The following CSMD1 variants were observed in gnomAD, a reference collection of about 807,000 sequenced individuals.
The protein encoded by CSMD1 is CUB and sushi domain-containing protein 1.
In CSMD1, 213 loss-of-function variants were observed where a neutral mutation model predicts 417.5. The ratio of observed to expected loss-of-function variants is 0.51; its 90% confidence interval spans 0.46 to 0.57. CSMD1 has a LOEUF of 0.57. Among genes scored for constraint, CSMD1 ranks in the 20% least tolerant of loss-of-function variants. The probability of loss-of-function intolerance (pLI) is 0.00; values close to 1 mark genes in which losing one functional copy is unlikely to be tolerated. For synonymous variants in CSMD1, 2,862 were observed against 1,736.8 expected (o/e 1.65, Z -16.11); for missense variants, 6,923 against 4,529.7 (o/e 1.53, Z -15.17).
At chr8:4,083,054 G>C (rs1196260702) in intron 3 of CSMD1, among the ~76,000 whole-genome samples, 3 of 151,828 alleles carry the variant, frequency 2.0e-5, no homozygotes, top group African/African-American at 4.8e-5. Context: ...TTGCTATTGT[G>C]AATAGTGCCA....
chr8:4,103,576 A>G (rs1186322582), intron 3 of CSMD1, among the ~76,000 whole-genome samples: 1 of 152,088 alleles, frequency 6.6e-6, no homozygotes, highest in African/African-American at 2.4e-5. Flanking sequence ...CGATGGATAC[A>G]AAAAATGTTG....
intron 3 of CSMD1, among the ~76,000 whole-genome samples, chr8:4,046,182 A>C (rs965280527): frequency 6.6e-6 from 1 of 152,070 alleles, no homozygotes; most frequent in African/African-American, 2.4e-5. Flanking sequence ...TTATATGTGT[A>C]TGTGTGCGTG....
intron 26 of CSMD1, among the ~76,000 whole-genome samples, chr8:3,231,198 AG>A (rs1481806160): frequency 1.3e-5 from 2 of 152,218 alleles, no homozygotes; most frequent in Non-Finnish European, 2.9e-5. Context: ...ACTGAAAATT[AG>A]AAAGATAGGT....
At chr8:4,048,167 T>G (rs1289681548) in intron 3 of CSMD1, among the ~76,000 whole-genome samples, 1 of 152,166 alleles carries the variant, frequency 6.6e-6, no homozygotes, top group South Asian at 2.1e-4. Flanking sequence ...CAGTCAGACT[T>G]TGTTTTGGTT....
intron 12 of CSMD1, among the ~76,000 whole-genome samples, chr8:3,447,367 GAATAA>G (rs1187820599): frequency 1.3e-5 from 2 of 151,652 alleles, no homozygotes; most frequent in Admixed American, 6.6e-5. Context: ...GGAAAGGAAT[GAATAA>G]AAGAAGAAAA....
chr8:3,642,369 G>T (rs543851215), intron 7 of CSMD1, among the ~76,000 whole-genome samples: 1 of 152,024 alleles, frequency 6.6e-6, no homozygotes, highest in Non-Finnish European at 1.5e-5. Flanking sequence ...TCACCGCAAA[G>T]AATTTATAAC....
At chr8:3,807,175 G>A (rs1030839573) in intron 5 of CSMD1, among the ~76,000 whole-genome samples, 3 of 152,110 alleles carry the variant, frequency 2.0e-5, no homozygotes, top group South Asian at 4.1e-4. Context: ...ATTTTCTCTT[G>A]TGACCTTCTA....
chr8:4,312,452 T>C (rs1472400567), intron 3 of CSMD1, among the ~76,000 whole-genome samples: 7 of 119,134 alleles, frequency 5.9e-5, no homozygotes, highest in African/African-American at 2.7e-4. Flanking sequence ...TATATATACG[T>C]ATATATATGC....
intron 7 of CSMD1, among the ~76,000 whole-genome samples, chr8:3,621,252 C>A (rs1420135308): frequency 2.6e-5 from 4 of 152,116 alleles, no homozygotes; most frequent in Non-Finnish European, 5.9e-5. Flanking sequence ...AAATGAATCA[C>A]CCCAAACCAA....
At chr8:3,309,393 G>C (rs1805150908) in intron 23 of CSMD1, among the ~76,000 whole-genome samples, 1 of 143,842 alleles carries the variant, frequency 7.0e-6, no homozygotes, top group African/African-American at 2.5e-5. Context: ...TGAGGCTCTT[G>C]AGGAAATCCA....
At chr8:3,023,195 A>T (rs1248371064) in intron 51 of CSMD1, among the ~76,000 whole-genome samples, 43 of 152,222 alleles carry the variant, frequency 2.8e-4, no homozygotes, top group Non-Finnish European at 1.5e-5. Flanking sequence ...CTCCAGTAAC[A>T]AACAGCAGAT....
At position 3,320,027 on chromosome 8, in the gene CSMD1, T is replaced by C. The variant is rs537506201; in HGVS notation, c.3632-11524A>G. 5.3e-4 allele frequency among the ~76,000 whole-genome samples: 81 copies of C among 152,018 alleles called. 1 individual carries two copies. The highest frequency in any genetic ancestry group is 6.8e-3 in the Middle Eastern group (2 of 294). On this transcript the variant is annotated intron_variant, in intron 23 of 69. Coordinates refer to ENST00000635120, the MANE Select transcript of CSMD1 (RefSeq NM_033225.6). Reference sequence around the variant, plus strand: ...ATAGACCGGGCCCCAACTTCAGGAGTGTCTGGCCCAGAACCTCATCACTAC... The same window carrying C: ...ATAGACCGGGCCCCAACTTCAGGAGCGTCTGGCCCAGAACCTCATCACTAC...
chr8:3,842,727 A>G (rs1267126958), intron 5 of CSMD1, among the ~76,000 whole-genome samples: 1 of 152,190 alleles, frequency 6.6e-6, no homozygotes, highest in Non-Finnish European at 1.5e-5. Flanking sequence ...AAATGTGTCA[A>G]GATTAAAATT....
intron 1 of CSMD1, among the ~76,000 whole-genome samples, chr8:4,926,323 T>C (rs1387101622): frequency 6.6e-6 from 1 of 152,154 alleles, no homozygotes; most frequent in Non-Finnish European, 1.5e-5. Flanking sequence ...AAAACACCTA[T>C]AATTTTGTGT....
chr8:3,089,514 G>A (rs909156361), intron 48 of CSMD1, among the ~76,000 whole-genome samples: 2 of 152,146 alleles, frequency 1.3e-5, no homozygotes, highest in African/African-American at 4.8e-5. Context: ...GAGTTTACGT[G>A]CATAGGGCAA....
intron 4 of CSMD1, among the ~76,000 whole-genome samples, chr8:4,023,829 G>C (rs1046615539): frequency 2.9e-5 from 4 of 139,054 alleles, no homozygotes; most frequent in Admixed American, 1.5e-4. Context: ...ATGTTAGCCA[G>C]GATGGCCTCG....
At chr8:3,315,621 G>A (rs1050757272) in intron 23 of CSMD1, among the ~76,000 whole-genome samples, 9 of 147,888 alleles carry the variant, frequency 6.1e-5, no homozygotes, top group African/African-American at 2.2e-4. Flanking sequence ...CCTATGAGCA[G>A]CCCCATGGTA....
rs1253146966 is a variant in CSMD1 at position 3,146,151 on chromosome 8, A to T, written c.6032-3477T>A. Among the ~76,000 whole-genome samples the T allele has an allele frequency of 2.6e-5, 4 of 152,298 alleles. No individual in the cohort carries two copies. The East Asian group carries it at 7.7e-4, about 29-fold the overall frequency. On this transcript the variant is annotated intron_variant, in intron 40 of 69. Transcript: ENST00000635120. Reference sequence around the variant, plus strand: ...TGATGGCATGGTAATTTTGGAGAGCATTGTGTGCACTATTAGTGCAGTAGA... The same window carrying T: ...TGATGGCATGGTAATTTTGGAGAGCTTTGTGTGCACTATTAGTGCAGTAGA...
At chr8:4,256,642 GCC>G (rs1320177086) in intron 3 of CSMD1, among the ~76,000 whole-genome samples, 1 of 152,112 alleles carries the variant, frequency 6.6e-6, no homozygotes, top group Non-Finnish European at 1.5e-5. Context: ...GAAAGGGGGC[GCC>G]CCAAGTCACA....
Sources: allele counts gnomAD v4.1 joint callset (sites outside exome capture counted in the v4.1 genomes callset), GRCh38; gene constraint gnomAD v4.1.1; transcripts MANE v1.5; gene names NCBI Gene and HGNC (gene_info 2026-07-23, HGNC 2026-07-21).